EYS: variants seen among roughly 807,000 people sequenced by gnomAD.
The protein encoded by EYS is EGF-like photoreceptor maintenance factor, also known as protein eyes shut homolog.
EYS carries 250 observed loss-of-function variants against 282.1 expected under a neutral mutation model. That is an observed-to-expected ratio of 0.89 (90% CI 0.80 to 0.98). The LOEUF (loss-of-function observed/expected upper bound fraction) is 0.98. Among genes scored for constraint, EYS ranks in the 50% least tolerant of loss-of-function variants. EYS has a pLI of 0.00. For missense variants in EYS, 4,016 were observed against 3,709.0 expected, an observed-to-expected ratio of 1.08 and a Z score of -2.15; for synonymous variants, 1,355 against 1,282.9, an observed-to-expected ratio of 1.06 and a Z score of -1.20.
chr6:63,902,941 G>C (rs1211972950), intron 35 of EYS, among the ~76,000 whole-genome samples: 2 of 152,218 alleles, frequency 1.3e-5, no homozygotes, highest in African/African-American at 2.4e-5. Context: ...TGAAGTAGGG[G>C]AGAAGGTGCT....
intron 22 of EYS, among the ~76,000 whole-genome samples, chr6:64,792,694 A>G (rs1359924702): frequency 1.3e-5 from 2 of 152,210 alleles, no homozygotes; most frequent in Non-Finnish European, 2.9e-5. Flanking sequence ...AGCAGCATGT[A>G]CCCGTGTCCA....
intron 35 of EYS, among the ~76,000 whole-genome samples, chr6:63,908,318 C>T (rs758769721): frequency 7.9e-5 from 12 of 151,348 alleles, no homozygotes; most frequent in Non-Finnish European, 1.6e-4. Flanking sequence ...TTTAAAAATG[C>T]TGATGAGGAT....
Position 65,452,569 on chromosome 6 carries a change from G to T in EYS, c.862+38025C>A, listed in dbSNP as rs559432384. Among the ~76,000 whole-genome samples the T allele has an allele frequency of 5.9e-5, 9 of 152,036 alleles. No individual in the cohort carries two copies. The East Asian group carries it at 9.7e-4, about 16-fold the overall frequency. On this transcript the variant is annotated intron_variant, in intron 5 of 42. Coordinates refer to ENST00000503581, the MANE Select transcript of EYS (RefSeq NM_001142800.2). ...TTATATTCCTAATAAAAAATATTAT[G>T]TAATTGAAACCAACATCTGCCTAAA...
At chr6:63,846,981 A>G (rs9450212) in intron 36 of EYS, among the ~76,000 whole-genome samples, 5 of 152,126 alleles carry the variant, frequency 3.3e-5, no homozygotes, top group African/African-American at 1.2e-4. Flanking sequence ...GTTTTTAGGA[A>G]TACCTGTAAC....
At chr6:65,231,238 C>CT (rs1766775811) in intron 12 of EYS, among the ~76,000 whole-genome samples, 1 of 144,830 alleles carries the variant, frequency 6.9e-6, no homozygotes, top group African/African-American at 2.5e-5. Flanking sequence ...ATTTCTGTTG[C>CT]TTTTTAAGCA....
chr6:64,975,225 T>C (rs1338410492), intron 14 of EYS, among the ~76,000 whole-genome samples: 3 of 151,914 alleles, frequency 2.0e-5, no homozygotes, highest in East Asian at 3.9e-4. Flanking sequence ...GAATAAGATA[T>C]AAAAACGATA....
At chr6:64,004,133 G>A (rs568001731) in intron 33 of EYS, among the ~76,000 whole-genome samples, 2 of 151,744 alleles carry the variant, frequency 1.3e-5, no homozygotes, top group South Asian at 2.1e-4. Flanking sequence ...TCTTAATCTC[G>A]CTTTTACTCT....
intron 12 of EYS, among the ~76,000 whole-genome samples, chr6:65,064,425 A>G (rs1250120623): frequency 3.4e-5 from 5 of 145,912 alleles, no homozygotes; most frequent in Non-Finnish European, 7.5e-5. Context: ...TATACCATAT[A>G]CCATATATCA....
At chr6:64,023,047 TTC>T (rs1271814835) in intron 33 of EYS, among the ~76,000 whole-genome samples, 1 of 152,224 alleles carries the variant, frequency 6.6e-6, no homozygotes, top group Non-Finnish European at 1.5e-5. Context: ...TTTGATTAAT[TTC>T]TGTCTCTATG....
rs1167824334 is a variant in EYS, at chr6:65,672,375, C to T, written c.-447-32483G>A. On this transcript the variant is annotated intron_variant, in intron 1 of 42. Transcript: ENST00000503581. ...CACCATAAGAAGGAGGAAATTTCAGCTTCTAAAAAAGGAAACCAGTAAAAT... is the reference window on the plus strand; with the variant it reads ...CACCATAAGAAGGAGGAAATTTCAGTTTCTAAAAAAGGAAACCAGTAAAAT... Among the ~76,000 whole-genome samples the T allele has an allele frequency of 2.6e-5, 4 of 152,030 alleles. No homozygotes were observed. The East Asian group carries it at 7.7e-4, about 29-fold the overall frequency.
chr6:65,670,518 T>C (rs1250763258), intron 1 of EYS, among the ~76,000 whole-genome samples: 2 of 152,200 alleles, frequency 1.3e-5, no homozygotes, highest in East Asian at 3.9e-4. Context: ...CAGATGCCTA[T>C]GATCTTTATG....
intron 35 of EYS, among the ~76,000 whole-genome samples, chr6:63,886,790 TA>T (rs1773271976): frequency 6.6e-6 from 1 of 152,202 alleles, no homozygotes. Flanking sequence ...AATCAAATGC[TA>T]TAAAATTGAG....
chr6:65,218,328 T>C (rs190032207), intron 12 of EYS, among the ~76,000 whole-genome samples: 37 of 152,126 alleles, frequency 2.4e-4, no homozygotes, highest in Admixed American at 5.2e-4. Flanking sequence ...GAAAAAAAAT[T>C]TAGTTATTGG....
chr6:64,718,516 T>C (rs1771469155), intron 22 of EYS, among the ~76,000 whole-genome samples: 2 of 152,216 alleles, frequency 1.3e-5, no homozygotes, highest in Non-Finnish European at 2.9e-5. Context: ...TATCAGTTTA[T>C]CATTTTTTCA....
intron 5 of EYS, among the ~76,000 whole-genome samples, chr6:65,438,301 G>C (rs1768163697): frequency 6.6e-6 from 1 of 151,926 alleles, no homozygotes; most frequent in African/African-American, 2.4e-5. Flanking sequence ...ATTGTGAATA[G>C]TGCTGCAATA....
At chr6:63,932,986 T>A (rs79762268) in intron 35 of EYS, among the ~76,000 whole-genome samples, 8,736 of 152,272 alleles carry the variant, frequency 0.057, 308 homozygotes, top group South Asian at 0.14. Flanking sequence ...TCTGCTAGAG[T>A]GGCTTACAGA....
At chr6:64,315,834 C>A (rs1769935819) in intron 29 of EYS, among the ~76,000 whole-genome samples, 1 of 151,970 alleles carries the variant, frequency 6.6e-6, no homozygotes, top group South Asian at 2.1e-4. Context: ...TGCTGGCAAA[C>A]TGAATCCAGC....
In EYS at chr6:65,401,926, C is replaced by T. The variant is rs971334219; in HGVS notation, c.1184+552G>A. On this transcript the variant is annotated intron_variant, in intron 7 of 42. Coordinates refer to ENST00000503581, the MANE Select transcript of EYS (RefSeq NM_001142800.2). ...ATGATGTGAGAAAATGTCTATAAAG[C>T]TATTTAAAATTGACTAAATTATACA... is the stretch of plus-strand genomic sequence containing the variant. Among the ~76,000 whole-genome samples the T allele has an allele frequency of 6.6e-5, 10 of 151,930 alleles. No homozygotes were observed. The East Asian group carries it at 9.7e-4, about 15-fold the overall frequency.
At chr6:64,733,654 C>A in intron 22 of EYS, 1 of 156,482 alleles carries the variant, frequency 6.4e-6, no homozygotes, top group South Asian at 1.9e-4. Flanking sequence ...TCATCTAGTT[C>A]TAACTCAGAG....
Sources: allele counts gnomAD v4.1 joint callset (sites outside exome capture counted in the v4.1 genomes callset), GRCh38; gene constraint gnomAD v4.1.1; transcripts MANE v1.5; gene names NCBI Gene and HGNC (gene_info 2026-07-23, HGNC 2026-07-21).